Variants in FAM161B observed in about 807,000 individuals in gnomAD.
FAM161B encodes the protein FAM161 centrosomal protein B.
FAM161B carries 46 observed loss-of-function variants against 61.5 expected under a neutral mutation model. That is an observed-to-expected ratio of 0.75 (90% CI 0.59 to 0.96). The LOEUF (loss-of-function observed/expected upper bound fraction) is 0.96, where lower values mean the gene tolerates loss of function less well. Ranked by LOEUF, FAM161B falls within the 40% of genes least tolerant of loss-of-function variation. The pLI is 0.00. For synonymous variants in FAM161B, 284 were observed against 302.7 expected (o/e 0.94, Z 0.64); for missense variants, 774 against 800.7 (o/e 0.97, Z 0.40).
At position 73,933,820 on chromosome 14, in the gene FAM161B, C is replaced by G. The variant is rs2055946828; in HGVS notation, c.*436G>C. On this transcript the variant is annotated 3_prime_UTR_variant, in exon 9 of 9. Transcript: ENST00000286544. ...ATTTCCTTGAACTATTCTCTGTTAT[C>G]TGCTGCTCTTTTTTTTTCTCAGACA... The G allele has an allele frequency of 6.5e-6, 1 of 154,906 alleles. No individual in the cohort carries two copies. Among genetic ancestry groups the G allele is most frequent in the African/African-American group, 2.4e-5 (1 of 41,464 alleles). 9.6% of individuals were successfully genotyped at this position (154,906 alleles called of 1,614,324 possible).
the FAM161B span, among the ~76,000 whole-genome samples, chr14:73,925,193 A>G: frequency 6.6e-6 from 1 of 152,084 alleles, no homozygotes; most frequent in Non-Finnish European, 1.5e-5. Flanking sequence ...TTTGATCTTG[A>G]TATCATTGGT....
At chr14:73,931,526 T>C (rs914130916), downstream of FAM161B, 5 of 1,607,406 alleles carry the variant, frequency 3.1e-6, no homozygotes, top group African/African-American at 1.3e-5. Flanking sequence ...GAGATTTAAC[T>C]GAAAGACGGA....
chr14:73,934,993 G>A (rs1404261986), intron 8 of FAM161B, among the ~76,000 whole-genome samples: 2 of 151,766 alleles, frequency 1.3e-5, no homozygotes, highest in African/African-American at 4.8e-5. Context: ...ACTGCAGTGA[G>A]CAGAGACTGC....
chr14:73,937,786 G>C (rs952582618), intron 6 of FAM161B, 85 bp from the exon 7 acceptor site: 4 of 1,528,242 alleles, frequency 2.6e-6, no homozygotes, highest in Non-Finnish European at 3.6e-6. Context: ...TGTAACTCTC[G>C]TGTACACTGT....
chr14:73,930,362 C>T (rs557691249), downstream of FAM161B, among the ~76,000 whole-genome samples: 30 of 152,130 alleles, frequency 2.0e-4, no homozygotes, highest in African/African-American at 7.0e-4. Context: ...AGTGTCTTAC[C>T]ATGTTGCCCA....
intron 1 of FAM161B, among the ~76,000 whole-genome samples, chr14:73,949,042 C>T (rs2056098170): frequency 6.6e-6 from 1 of 152,178 alleles, no homozygotes; most frequent in Admixed American, 6.5e-5. Context: ...CCTCAGCCTC[C>T]CGAGTAGCTA....
At position 73,944,627 on chromosome 14, in the gene FAM161B, C is replaced by A; in HGVS notation, c.633G>T (p.Glu211Asp). 6.2e-7 allele frequency: 1 copy of A among 1,613,996 alleles called. No individual in the cohort carries two copies. The highest frequency in any genetic ancestry group is 8.5e-7 in the Non-Finnish European group (1 of 1,179,990). ...GCTGTGCCCGGAACTGCCTGTGGCACTCGGCCTCTTCCTCACCCTGCCTCT... is the reference window on the plus strand; with the variant it reads ...GCTGTGCCCGGAACTGCCTGTGGCAATCGGCCTCTTCCTCACCCTGCCTCT... The part of the protein sequence containing the change: ...RAQRQGEEEA[E>D]CHRQFRAQPV... The change falls in exon 3 of 9, where the codon GAG becomes GAT. Residue 211 changes from glutamate (E) to aspartate (D), a missense_variant. Coordinates refer to ENST00000286544, the MANE Select transcript of FAM161B (RefSeq NM_152445.3).
chr14:73,928,406 A>C (rs930732570), downstream of FAM161B, among the ~76,000 whole-genome samples: 2 of 152,150 alleles, frequency 1.3e-5, no homozygotes, highest in Admixed American at 6.5e-5. Context: ...TGAGAGCTGG[A>C]AAGATAAGCT....
At chr14:73,935,776 ACT>A (rs987322796) in intron 8 of FAM161B, among the ~76,000 whole-genome samples, 171 bp downstream of exon 8, 1 of 152,116 alleles carries the variant, frequency 6.6e-6, no homozygotes, top group Non-Finnish European at 1.5e-5. Flanking sequence ...CAACTGCATC[ACT>A]CTCTAAATTC....
At chr14:73,941,178 C>T (rs4903158) in intron 4 of FAM161B, 125 bp from the exon 5 acceptor site, 163,850 of 1,214,982 alleles carry the variant, frequency 0.13, 12,714 homozygotes, top group Admixed American at 0.22. Context: ...AGTGCAGTGG[C>T]GCAATCTCGG....
chr14:73,948,060 G>T (rs1162151121), intron 1 of FAM161B, among the ~76,000 whole-genome samples: 1 of 152,066 alleles, frequency 6.6e-6, no homozygotes, highest in African/African-American at 2.4e-5. Flanking sequence ...GAGTAGCTGG[G>T]ACTACAGCAC....
At chr14:73,935,912 T>C (rs1594775016) in intron 8 of FAM161B, 37 bp downstream of exon 8, 13 of 1,589,204 alleles carry the variant, frequency 8.2e-6, no homozygotes, top group Non-Finnish European at 1.1e-5. Context: ...TATGACAATT[T>C]AGAGAGCTGC....
Position 73,935,980 on chromosome 14 carries a change from C to CGAA in FAM161B, c.1773_1774insTTC (p.Gln591_Glu592insPhe). The CGAA allele has an allele frequency of 6.2e-7, 1 of 1,612,714 alleles. No homozygotes were observed. On this transcript the variant is annotated inframe_insertion, in exon 8 of 9. Transcript: ENST00000286544. ...AAATCCTTGATTTTGGTCTCTTTCT[C>CGAA]TTGAACAGCCCGGGTGCCTTGACCC... is the stretch of plus-strand genomic sequence containing the variant.
Position 73,944,701 on chromosome 14 carries a change from C to A in FAM161B, c.559G>T (p.Glu187Ter). The A allele has an allele frequency of 6.2e-7, 1 of 1,606,452 alleles. No homozygotes were observed. The highest frequency in any genetic ancestry group is 8.5e-7 in the Non-Finnish European group (1 of 1,174,198). The part of the protein sequence containing the change: ...MTLREARKKA[E>*]WLGSPASFEQ... ...AAGGAGGCAGGTGAGCCCAGCCACT[C>A]GGCCTTCTTCCGGGCCTCGCGCAGC... is the stretch of plus-strand genomic sequence containing the variant. The change falls in exon 3 of 9, where the codon GAG (glutamate) becomes TAG (stop). Residue 187 changes from glutamate to a stop codon, truncating the protein, a stop_gained. Transcript: ENST00000286544. LOFTEE classifies it high-confidence loss of function.
At chr14:73,930,630 G>C (rs11624247), downstream of FAM161B, among the ~76,000 whole-genome samples, 98,403 of 151,902 alleles carry the variant, frequency 0.65, 32,078 homozygotes, top group South Asian at 0.72. Context: ...AACAGTCTCA[G>C]TCTGTCACTC....
intron 2 of FAM161B, among the ~76,000 whole-genome samples, chr14:73,945,199 G>A (rs1721555840): frequency 6.6e-6 from 1 of 152,192 alleles, no homozygotes; most frequent in Admixed American, 6.5e-5. Flanking sequence ...CAAACTTTGA[G>A]CAAAGTTCTG....
chr14:73,947,626 A>G (rs1445553817), intron 1 of FAM161B, among the ~76,000 whole-genome samples: 1 of 152,190 alleles, frequency 6.6e-6, no homozygotes, highest in African/African-American at 2.4e-5. Context: ...TAAGATGATG[A>G]TAAATTCTGT....
chr14:73,924,561 A>G, the FAM161B span: 4 of 362,032 alleles, frequency 1.1e-5, no homozygotes, highest in African/African-American at 6.6e-5. Context: ...ATGGGAGTGG[A>G]TGACTTCATC....
chr14:73,948,374 G>A (rs535551336), intron 1 of FAM161B, among the ~76,000 whole-genome samples: 6 of 152,348 alleles, frequency 3.9e-5, no homozygotes, highest in Non-Finnish European at 8.8e-5. Flanking sequence ...CTTGCCGTTG[G>A]CATTATCTAT....
Sources: allele counts gnomAD v4.1 joint callset (sites outside exome capture counted in the v4.1 genomes callset), GRCh38; gene constraint gnomAD v4.1.1; transcripts MANE v1.5; gene names NCBI Gene and HGNC (gene_info 2026-07-23, HGNC 2026-07-21).